Variants in APOOL observed in about 807,000 individuals in gnomAD.
APOOL encodes the protein MICOS complex subunit MIC27.
A neutral mutation model predicts 23.1 loss-of-function variants in APOOL; 12 were observed. The ratio of observed to expected loss-of-function variants is 0.52; its 90% CI spans 0.33 to 0.84. The LOEUF is 0.84. Among genes scored for constraint, APOOL ranks in the 40% least tolerant of loss-of-function variants. The pLI, the probability that APOOL is intolerant of heterozygous loss-of-function variation, is 0.02. For synonymous variants in APOOL, 77 were observed against 69.9 expected (o/e 1.10, Z -0.51); for missense variants, 212 against 199.6 (o/e 1.06, Z -0.37).
At chrX:85,061,620 G>A (rs193107583) in intron 5 of APOOL, among the ~76,000 whole-genome samples, 263 of 111,490 alleles carry the variant, frequency 2.4e-3, no homozygotes, top group Middle Eastern at 9.3e-3. Context: ...GAAGATGTAT[G>A]GGTCGAGGAA....
In APOOL at chrX:85,068,523, A is replaced by G. The variant is rs750435966; in HGVS notation, c.486+1305A>G. On this transcript the variant is annotated intron_variant, in intron 6 of 8. Transcript: ENST00000373173. ...TGGGTTCAAGTGATTCTCCTGCCTC[A>G]GCCTCCTGAGTAGCTGGGATTACAG... Among the ~76,000 whole-genome samples the G allele has an allele frequency of 7.6e-5, 8 of 105,625 alleles. No individual in the cohort carries two copies. In the South Asian group the frequency reaches 3.4e-3, roughly 45 times the overall value. The allele number at this position is 105,625 out of a possible 115,157, so 91.7% of individuals were successfully genotyped here.
At chrX:85,004,600 C>G (rs1411504264) in intron 1 of APOOL, among the ~76,000 whole-genome samples, 1 of 111,714 alleles carries the variant, frequency 9.0e-6, no homozygotes, top group Non-Finnish European at 1.9e-5. Context: ...TTCTGTTAGG[C>G]TTGCAGGAGA....
chrX:85,012,804 C>T (rs1921335390), intron 1 of APOOL, among the ~76,000 whole-genome samples: 1 of 110,697 alleles, frequency 9.0e-6, no homozygotes, highest in African/African-American at 3.3e-5. Flanking sequence ...CTGTAGTTTT[C>T]TTTTTTTTGT....
chrX:85,068,396 CT>C (rs776359466), intron 6 of APOOL, among the ~76,000 whole-genome samples: 256 of 93,155 alleles, frequency 2.7e-3, no homozygotes, highest in African/African-American at 6.3e-3. Flanking sequence ...GATTCTTCTT[CT>C]TTTTTTTTTT....
chrX:85,074,217 G>C (rs923392111), intron 7 of APOOL, 57 bp from the exon 8 acceptor site: 1 of 1,190,974 alleles, frequency 8.4e-7, no homozygotes, highest in Middle Eastern at 2.3e-4. Flanking sequence ...TGAGAAAGTA[G>C]ATGAAGGAAA....
At chrX:85,046,187 T>C (rs781536133) in intron 1 of APOOL, 8 of 229,350 alleles carry the variant, frequency 3.5e-5, no homozygotes, top group Non-Finnish European at 5.4e-5. Context: ...TACATAATAA[T>C]ATTCCAGATA....
intron 1 of APOOL, among the ~76,000 whole-genome samples, chrX:85,011,485 G>T (rs1305002061): frequency 3.6e-5 from 4 of 111,852 alleles, no homozygotes; most frequent in African/African-American, 1.3e-4. Flanking sequence ...TTAGATTTAA[G>T]TCTTTGATCC....
At chrX:85,048,221 A>G (rs971343984) in intron 2 of APOOL, among the ~76,000 whole-genome samples, 3 of 110,855 alleles carry the variant, frequency 2.7e-5, no homozygotes, top group Non-Finnish European at 5.7e-5. Context: ...TTACTAGATA[A>G]AGTTTATTTT....
chrX:85,023,089 T>G (rs1921725828), intron 1 of APOOL, among the ~76,000 whole-genome samples: 1 of 111,964 alleles, frequency 8.9e-6, no homozygotes, highest in Non-Finnish European at 1.9e-5. Context: ...CCTTTTTTCT[T>G]TATAAATTAC....
At chrX:85,032,879 A>G (rs1201995741) in intron 1 of APOOL, among the ~76,000 whole-genome samples, 1 of 112,017 alleles carries the variant, frequency 8.9e-6, no homozygotes, top group Admixed American at 9.5e-5. Flanking sequence ...TCTTGAATGT[A>G]CTACGTAACT....
Position 85,088,169 on chromosome X carries a change from C to CATATATGTATAAATACATATTTATACAT in APOOL, c.*510_*511insTTTATACATATATATGTATAAATACATA, listed in dbSNP as rs1924415059. ...ATGTATAAATACATACATATTTATA[C>CATATATGTATAAATACATATTTATACAT]ATATATGTATAAATACATACATATT... On this transcript the variant is annotated 3_prime_UTR_variant, in exon 9 of 9. Transcript: ENST00000373173. The CATATATGTATAAATACATATTTATACAT allele has an allele frequency of 7.8e-4, 8 of 10,236 alleles. No homozygotes were observed. The highest frequency in any genetic ancestry group is 9.7e-4 in the Non-Finnish European group (7 of 7,201). 0.8% of individuals were successfully genotyped at this position (10,236 alleles called of 1,213,427 possible).
intron 1 of APOOL, among the ~76,000 whole-genome samples, chrX:85,026,650 T>C (rs761390549): frequency 1.0e-3 from 115 of 111,993 alleles, no homozygotes; most frequent in Non-Finnish European, 1.8e-3. Flanking sequence ...TACTTAGAAT[T>C]TTTTTTTCTA....
In APOOL at chrX:85,087,697, A is replaced by G; in HGVS notation, c.*19A>G. ...AAGCTGAAGTAGACTGCATGCAGAGACTACACAGAAAACTACAAGATGTGT... is the reference window on the plus strand; with the variant it reads ...AAGCTGAAGTAGACTGCATGCAGAGGCTACACAGAAAACTACAAGATGTGT... On this transcript the variant is annotated 3_prime_UTR_variant, in exon 9 of 9. Transcript: ENST00000373173. 1.8e-6 allele frequency: 2 copies of G among 1,128,375 alleles called. No individual in the cohort carries two copies. Among genetic ancestry groups the G allele is most frequent in the South Asian group, 2.1e-5 (1 of 46,737 alleles). The allele number at this position is 1,128,375 out of a possible 1,213,427, so 93.0% of individuals were successfully genotyped here.
At chrX:85,018,236 C>G (rs1226395361) in intron 1 of APOOL, among the ~76,000 whole-genome samples, 1 of 112,158 alleles carries the variant, frequency 8.9e-6, no homozygotes, top group Non-Finnish European at 1.9e-5. Flanking sequence ...GCAGGCTGTA[C>G]AGGAAGCATG....
intron 8 of APOOL, among the ~76,000 whole-genome samples, chrX:85,078,156 T>G (rs1923934742): frequency 8.9e-6 from 1 of 112,056 alleles, no homozygotes; most frequent in African/African-American, 3.2e-5. Flanking sequence ...AGTCATGAAG[T>G]CCTTGCCCAT....
intron 1 of APOOL, among the ~76,000 whole-genome samples, chrX:85,029,435 A>G (rs1357617824): frequency 1.8e-5 from 2 of 112,096 alleles, no homozygotes; most frequent in Admixed American, 9.5e-5. Context: ...TCAAATGTTC[A>G]ATAATTGCTA....
intron 8 of APOOL, among the ~76,000 whole-genome samples, chrX:85,080,647 GTTAACCTTCTGTGTCA>G (rs1436119847): frequency 9.0e-6 from 1 of 111,543 alleles, no homozygotes; most frequent in African/African-American, 3.3e-5. Flanking sequence ...GGATATCCTT[GTTAACCTTCTGTGTCA>G]TTGATCTGTC....
At chrX:85,021,846 T>A (rs949197326) in intron 1 of APOOL, among the ~76,000 whole-genome samples, 2 of 111,546 alleles carry the variant, frequency 1.8e-5, no homozygotes, top group Non-Finnish European at 3.8e-5. Flanking sequence ...ATAACATAGA[T>A]AAACCTTTAG....
intron 6 of APOOL, among the ~76,000 whole-genome samples, chrX:85,068,835 C>T (rs1923564274): frequency 9.0e-6 from 1 of 111,693 alleles, no homozygotes; most frequent in Non-Finnish European, 1.9e-5. Flanking sequence ...TGCATCTATC[C>T]ATACAAATAT....
Sources: gnomAD v4.1 joint callset for allele counts (sites outside exome capture counted in the v4.1 genomes callset) on GRCh38, gnomAD v4.1.1 for gene constraint, MANE v1.5 for transcripts, NCBI Gene and HGNC (gene_info 2026-07-23, HGNC 2026-07-21) for gene names.